The following PHACTR1 variants were observed in gnomAD, a reference collection of about 807,000 sequenced individuals.
PHACTR1 encodes RPEL repeat containing 1.
Under a neutral mutation model 69.2 loss-of-function variants are expected in PHACTR1, and 16 were observed. That is an observed-to-expected ratio of 0.23 (90% confidence interval 0.16 to 0.35). PHACTR1 has a LOEUF of 0.35. Ranked by LOEUF, PHACTR1 falls within the 10% of genes least tolerant of loss-of-function variation. PHACTR1 has a pLI of 1.00. For missense variants in PHACTR1, 510 were observed against 734.7 expected, an observed-to-expected ratio of 0.69 and a Z score of 3.54; for synonymous variants, 312 against 284.5, an observed-to-expected ratio of 1.10 and a Z score of -0.97.
At position 13,284,580 on chromosome 6, in the gene PHACTR1, A is replaced by ATATATATATATATATATATAGATACACG. The variant is rs1562129234; in HGVS notation, c.1650+1034_1650+1035insTATAGATACACGTATATATATATATATA. On this transcript the variant is annotated intron_variant, in intron 13 of 14. Coordinates refer to ENST00000332995, the MANE Select transcript of PHACTR1 (RefSeq NM_030948.6). ...TATATATATATATATAGATACACGT[A>ATATATATATATATATATATAGATACACG]TATATATATATATATACTGGAATAA... Among the ~76,000 whole-genome samples the ATATATATATATATATATATAGATACACG allele has an allele frequency of 2.5e-4, 23 of 92,572 alleles. 1 individual carries two copies. Among genetic ancestry groups the ATATATATATATATATATATAGATACACG allele is most frequent in the African/African-American group, 1.6e-3 (23 of 14,136 alleles). 60.7% of individuals were successfully genotyped at this position (92,572 alleles called of 152,430 possible). A position where few individuals can be genotyped will look rare whatever the true frequency, so the allele number is the denominator to read the frequency against.
chr6:13,272,545 A>T, intron 10 of PHACTR1: 1 of 534,878 alleles, frequency 1.9e-6, no homozygotes. Context: ...AAAGAAAAGG[A>T]CTTCTGTGAA....
intron 4 of PHACTR1, among the ~76,000 whole-genome samples, chr6:12,955,391 A>G (rs569396468): frequency 6.6e-6 from 1 of 151,954 alleles, no homozygotes; most frequent in East Asian, 1.9e-4. Flanking sequence ...TTTTTATAGC[A>G]ACGGGGTCTT....
intron 6 of PHACTR1, among the ~76,000 whole-genome samples, chr6:13,168,031 C>T (rs974824715): frequency 1.3e-5 from 2 of 152,168 alleles, no homozygotes; most frequent in African/African-American, 2.4e-5. Context: ...TAAATCTTGA[C>T]GTTTATAGGA....
intron 4 of PHACTR1, among the ~76,000 whole-genome samples, chr6:12,817,893 G>A (rs367907765): frequency 6.7e-6 from 1 of 150,186 alleles, no homozygotes; most frequent in Admixed American, 6.7e-5. Context: ...GCACGATCTC[G>A]GCTCACTGCA....
chr6:12,830,362 T>C (rs374338253), intron 4 of PHACTR1, among the ~76,000 whole-genome samples: 4 of 151,222 alleles, frequency 2.6e-5, no homozygotes, highest in African/African-American at 7.3e-5. Context: ...GAAAAAGGCA[T>C]TGATGGTAAG....
At chr6:13,249,349 C>A (rs1368495207) in intron 10 of PHACTR1, among the ~76,000 whole-genome samples, 1 of 152,160 alleles carries the variant, frequency 6.6e-6, no homozygotes, top group African/African-American at 2.4e-5. Flanking sequence ...ACCCCAACCC[C>A]TGAAACCACC....
chr6:12,782,993 T>G (rs1771026994), intron 4 of PHACTR1, among the ~76,000 whole-genome samples: 1 of 152,254 alleles, frequency 6.6e-6, no homozygotes, highest in Non-Finnish European at 1.5e-5. Context: ...TTATGAATCT[T>G]CCTTGTGAAC....
At chr6:12,781,812 C>T (rs779166708) in intron 4 of PHACTR1, among the ~76,000 whole-genome samples, 2 of 152,234 alleles carry the variant, frequency 1.3e-5, no homozygotes, top group Non-Finnish European at 2.9e-5. Flanking sequence ...TCTTCTCTCA[C>T]TACCAACCGA....
chr6:12,742,242 T>A (rs1765147667), intron 3 of PHACTR1, among the ~76,000 whole-genome samples: 1 of 152,160 alleles, frequency 6.6e-6, no homozygotes, highest in Non-Finnish European at 1.5e-5. Context: ...GGATTATTCA[T>A]GAGTTTTCCA....
intron 3 of PHACTR1, among the ~76,000 whole-genome samples, chr6:12,736,669 A>G (rs1172168362): frequency 6.6e-6 from 1 of 152,220 alleles, no homozygotes; most frequent in Non-Finnish European, 1.5e-5. Context: ...TCCTAAATAG[A>G]AAAGAATAAA....
chr6:12,970,752 T>C (rs772004727), intron 4 of PHACTR1, among the ~76,000 whole-genome samples: 14 of 152,184 alleles, frequency 9.2e-5, no homozygotes, highest in Non-Finnish European at 1.6e-4. Context: ...CAAGACTCTG[T>C]CTCAAACAAA....
rs184569235 is a variant in PHACTR1, at chr6:12,970,063, G to A, written c.251-83302G>A. Among the ~76,000 whole-genome samples, 4 of 152,296 alleles carry A rather than the reference G, an allele frequency of 2.6e-5. No individual in the cohort carries two copies. The East Asian group carries it at 7.7e-4, about 29-fold the overall frequency. ...AAAATAAATGTAGTATTGCTTCTGCGAACATCTGATTCTGCTTTTAACTGC... is the reference window on the plus strand; with the variant it reads ...AAAATAAATGTAGTATTGCTTCTGCAAACATCTGATTCTGCTTTTAACTGC... On this transcript the variant is annotated intron_variant, in intron 4 of 14. Coordinates refer to ENST00000332995, the MANE Select transcript of PHACTR1 (RefSeq NM_030948.6).
chr6:12,974,552 G>C (rs1434950801), intron 4 of PHACTR1, among the ~76,000 whole-genome samples: 1 of 152,158 alleles, frequency 6.6e-6, no homozygotes, highest in African/African-American at 2.4e-5. Context: ...GTGACCTTGA[G>C]ATCAGTTTGT....
chr6:13,041,052 A>T (rs1444424995), intron 4 of PHACTR1, among the ~76,000 whole-genome samples: 1 of 152,228 alleles, frequency 6.6e-6, no homozygotes, highest in Non-Finnish European at 1.5e-5. Context: ...AGAGCTTCCT[A>T]TGTGGCAAAA....
rs895869241 is a variant in PHACTR1 at position 13,217,737 on chromosome 6, A to G, written c.987-10079A>G. ...AACAAAAAACAAAAGCTTTAATGTT[A>G]CATGTCTTATCTTAGAAGGCTAATC... On this transcript the variant is annotated intron_variant, in intron 8 of 14. Coordinates refer to ENST00000332995, the MANE Select transcript of PHACTR1 (RefSeq NM_030948.6). 7.2e-5 allele frequency among the ~76,000 whole-genome samples: 11 copies of G among 152,248 alleles called. No homozygotes were observed. The South Asian group carries it at 2.3e-3, about 31-fold the overall frequency.
rs1435284291 is a variant in PHACTR1, at chr6:12,732,666, T to C, written c.103+13819T>C. Among the ~76,000 whole-genome samples the C allele has an allele frequency of 2.0e-5, 3 of 152,222 alleles. No homozygotes were observed. In the East Asian group the frequency reaches 5.8e-4, roughly 29 times the overall value. ...GCAAAGGACATGATATCATTCCTTT[T>C]TATGGCTGTGTAGTATTCCATGGCA... On this transcript the variant is annotated intron_variant, in intron 3 of 14. Transcript: ENST00000332995.
At chr6:13,178,339 C>A (rs1054701774) in intron 6 of PHACTR1, among the ~76,000 whole-genome samples, 2 of 152,230 alleles carry the variant, frequency 1.3e-5, no homozygotes, top group Non-Finnish European at 2.9e-5. Flanking sequence ...ACACAGCCAG[C>A]ATTTCCTGCC....
intron 5 of PHACTR1, among the ~76,000 whole-genome samples, chr6:13,131,220 C>T (rs141418118): frequency 2.9e-4 from 9 of 31,566 alleles, no homozygotes; most frequent in African/African-American, 5.0e-4. Context: ...CACACACACA[C>T]ACACACACAC....
At chr6:13,056,327 G>A (rs914659858) in intron 5 of PHACTR1, among the ~76,000 whole-genome samples, 13 of 152,162 alleles carry the variant, frequency 8.5e-5, no homozygotes, top group Non-Finnish European at 1.9e-4. Flanking sequence ...TTGAACCCAG[G>A]AGTTTAAGAC....
Sources: gnomAD v4.1 joint callset for allele counts (sites outside exome capture counted in the v4.1 genomes callset) on GRCh38, gnomAD v4.1.1 for gene constraint, MANE v1.5 for transcripts, NCBI Gene and HGNC (gene_info 2026-07-23, HGNC 2026-07-21) for gene names.